Variants in RAB38 observed in about 807,000 individuals in gnomAD.
RAB38 encodes the protein ras-related protein Rab-38.
Under a neutral mutation model 18.4 loss-of-function variants are expected in RAB38, and 15 were observed. That is an observed-to-expected ratio of 0.82 (90% CI 0.55 to 1.26). The LOEUF (loss-of-function observed/expected upper bound fraction) is 1.26, where lower values mean the gene tolerates loss of function less well. Among genes scored for constraint, RAB38 ranks in the 50% most tolerant of loss-of-function variants. The pLI is 0.00. For synonymous variants in RAB38, 101 were observed against 104.4 expected (o/e 0.97, Z 0.20); for missense variants, 294 against 267.4 (o/e 1.10, Z -0.69).
At chr11:87,808,775 A>G in the RAB38 span, among the ~76,000 whole-genome samples, 3 of 152,206 alleles carry the variant, frequency 2.0e-5, no homozygotes, top group Non-Finnish European at 4.4e-5. Context: ...TACTTGATAA[A>G]TACATACAAT....
chr11:88,116,324 A>G (rs1638510394), intron 2 of RAB38, among the ~76,000 whole-genome samples: 1 of 152,204 alleles, frequency 6.6e-6, no homozygotes. Context: ...CATCTCATTA[A>G]AGAAGCCCTA....
chr11:87,910,016 T>C, the RAB38 span, among the ~76,000 whole-genome samples: 1 of 152,100 alleles, frequency 6.6e-6, no homozygotes, highest in African/African-American at 2.4e-5. Flanking sequence ...CCCTTTTATG[T>C]TTCTGCCAGT....
intron 2 of RAB38, among the ~76,000 whole-genome samples, chr11:88,147,198 T>G (rs1942998997): frequency 6.6e-6 from 1 of 152,204 alleles, no homozygotes; most frequent in South Asian, 2.1e-4. Flanking sequence ...GTTGTTTTTA[T>G]CCATGAAGGC....
At chr11:87,845,617 A>G in the RAB38 span, among the ~76,000 whole-genome samples, 1 of 152,242 alleles carries the variant, frequency 6.6e-6, no homozygotes, top group East Asian at 1.9e-4. Context: ...AGATTGCTGT[A>G]GGAAAAAAAT....
the RAB38 span, among the ~76,000 whole-genome samples, chr11:88,014,020 G>A: frequency 2.6e-5 from 4 of 152,086 alleles, no homozygotes; most frequent in Admixed American, 6.6e-5. Context: ...TATTGTTATG[G>A]TATTAAGTGG....
the RAB38 span, among the ~76,000 whole-genome samples, chr11:88,024,064 A>C: frequency 6.6e-6 from 1 of 152,086 alleles, no homozygotes; most frequent in South Asian, 2.1e-4. Context: ...TCAACCTAAA[A>C]AGCTTTTACA....
chr11:88,132,199 T>G (rs535108915), intron 2 of RAB38, among the ~76,000 whole-genome samples: 10 of 152,318 alleles, frequency 6.6e-5, no homozygotes, highest in Non-Finnish European at 1.5e-4. Context: ...GCTGTCAAGT[T>G]TATGGCAATG....
the RAB38 span, among the ~76,000 whole-genome samples, chr11:87,831,465 C>T: frequency 6.6e-6 from 1 of 152,112 alleles, no homozygotes. Context: ...GATGTAGTGT[C>T]GCTAAGAAAG....
intron 2 of RAB38, among the ~76,000 whole-genome samples, chr11:88,128,180 G>C (rs1942727203): frequency 6.6e-6 from 1 of 152,134 alleles, no homozygotes; most frequent in Admixed American, 6.5e-5. Flanking sequence ...AACTATCTTG[G>C]TCACTATGAG....
At chr11:88,030,865 C>A in the RAB38 span, among the ~76,000 whole-genome samples, 1 of 151,906 alleles carries the variant, frequency 6.6e-6, no homozygotes, top group Non-Finnish European at 1.5e-5. Context: ...GGAATCCTCC[C>A]TAACTCATTT....
chr11:87,885,742 C>A, the RAB38 span, among the ~76,000 whole-genome samples: 1 of 151,916 alleles, frequency 6.6e-6, no homozygotes, highest in Non-Finnish European at 1.5e-5. Context: ...AGCAGTGTTA[C>A]CTAAAAGGTA....
At chr11:87,864,777 C>G in the RAB38 span, among the ~76,000 whole-genome samples, 3 of 151,588 alleles carry the variant, frequency 2.0e-5, no homozygotes, top group Non-Finnish European at 3.0e-5. Flanking sequence ...TTGAAAGAAA[C>G]GAGTTAGACA....
At chr11:87,872,607 C>A in the RAB38 span, among the ~76,000 whole-genome samples, 1 of 151,700 alleles carries the variant, frequency 6.6e-6, no homozygotes, top group East Asian at 2.0e-4. Flanking sequence ...TTCATTCCTC[C>A]CTGCCCTCTA....
the RAB38 span, among the ~76,000 whole-genome samples, chr11:87,872,806 A>G: frequency 0.3 from 45,794 of 151,456 alleles, 8,938 homozygotes; most frequent in African/African-American, 0.54. Flanking sequence ...TTTTAATGCT[A>G]GATAATATTC....
chr11:88,090,937 T>C, the RAB38 span, among the ~76,000 whole-genome samples: 1 of 151,940 alleles, frequency 6.6e-6, no homozygotes, highest in Non-Finnish European at 1.5e-5. Flanking sequence ...CACAAACATG[T>C]GTCCTGCCTT....
At chr11:87,824,488 C>T in the RAB38 span, among the ~76,000 whole-genome samples, 9 of 151,856 alleles carry the variant, frequency 5.9e-5, no homozygotes, top group Non-Finnish European at 1.0e-4. Flanking sequence ...AGGAAACATA[C>T]AAAGTTAGAA....
At chr11:87,883,513 G>A in the RAB38 span, among the ~76,000 whole-genome samples, 11 of 152,030 alleles carry the variant, frequency 7.2e-5, no homozygotes, top group South Asian at 1.4e-3. Flanking sequence ...ATGGCAGCCC[G>A]TTGTGTATTT....
At chr11:88,083,200 A>C in the RAB38 span, among the ~76,000 whole-genome samples, 1 of 151,788 alleles carries the variant, frequency 6.6e-6, no homozygotes, top group African/African-American at 2.4e-5. Context: ...CCTATTTAAA[A>C]TTGCACCCCT....
At chr11:87,862,085 T>G in the RAB38 span, among the ~76,000 whole-genome samples, 1 of 151,860 alleles carries the variant, frequency 6.6e-6, no homozygotes, top group Non-Finnish European at 1.5e-5. Flanking sequence ...TCAGTTAAAC[T>G]ATTGTGGAAG....
Sources: allele counts gnomAD v4.1 joint callset (sites outside exome capture counted in the v4.1 genomes callset), GRCh38; gene constraint gnomAD v4.1.1; transcripts MANE v1.5; gene names NCBI Gene and HGNC (gene_info 2026-07-23, HGNC 2026-07-21).